The following MAP2K5 variants were observed in gnomAD, a reference collection of about 807,000 sequenced individuals.
MAP2K5 encodes dual specificity mitogen-activated protein kinase kinase 5.
In MAP2K5, 49 loss-of-function variants were observed where a neutral mutation model predicts 83.1. The observed-to-expected ratio is 0.59, with a 90% CI of 0.47 to 0.75. The LOEUF is 0.75. MAP2K5 is among the 30% of genes least tolerant of loss of function. MAP2K5 has a pLI of 0.00. For missense variants in MAP2K5, 457 were observed against 557.5 expected, an observed-to-expected ratio of 0.82 and a Z score of 1.82; for synonymous variants, 202 against 191.8, an observed-to-expected ratio of 1.05 and a Z score of -0.44.
At chr15:67,773,807 T>C (rs1403209159) in intron 21 of MAP2K5, among the ~76,000 whole-genome samples, 1 of 151,550 alleles carries the variant, frequency 6.6e-6, no homozygotes, top group African/African-American at 2.4e-5. Context: ...ACTGGTCTCT[T>C]TTTTTGGTCT....
intron 19 of MAP2K5, among the ~76,000 whole-genome samples, chr15:67,759,157 C>A (rs2089899996): frequency 6.6e-6 from 1 of 152,168 alleles, no homozygotes; most frequent in Non-Finnish European, 1.5e-5. Flanking sequence ...TCACTCACTC[C>A]TAGGCAGGGT....
chr15:67,661,156 T>C (rs1330452041), intron 12 of MAP2K5, among the ~76,000 whole-genome samples: 1 of 152,114 alleles, frequency 6.6e-6, no homozygotes, highest in African/African-American at 2.4e-5. Context: ...GAGAGTTTTT[T>C]TTTTCCCCCA....
At chr15:67,695,791 C>A (rs1030339568) in intron 15 of MAP2K5, among the ~76,000 whole-genome samples, 1 of 152,166 alleles carries the variant, frequency 6.6e-6, no homozygotes, top group Non-Finnish European at 1.5e-5. Context: ...GAATGTGATG[C>A]ATCCATCTGT....
chr15:67,600,792 A>G (rs370092993), intron 8 of MAP2K5, 43 bp downstream of exon 8: 12 of 1,425,340 alleles, frequency 8.4e-6, no homozygotes, highest in Middle Eastern at 1.8e-4. Flanking sequence ...CGCTTTTCCA[A>G]ATACTGAGTA....
chr15:67,606,006 G>T (rs1337496117), intron 8 of MAP2K5, among the ~76,000 whole-genome samples: 1 of 152,140 alleles, frequency 6.6e-6, no homozygotes, highest in Non-Finnish European at 1.5e-5. Context: ...TGACTCACTA[G>T]TTACTGTCTC....
At chr15:67,731,130 G>A (rs1266627988) in intron 17 of MAP2K5, among the ~76,000 whole-genome samples, 2 of 152,182 alleles carry the variant, frequency 1.3e-5, no homozygotes, top group Non-Finnish European at 2.9e-5. Context: ...GATGTTCTTA[G>A]CAACATGCCA....
intron 9 of MAP2K5, 80 bp downstream of exon 9, chr15:67,631,007 T>G: frequency 8.7e-7 from 1 of 1,152,038 alleles, no homozygotes; most frequent in Non-Finnish European, 1.3e-6. Context: ...ACAGATATTG[T>G]CAAAGAGGAG....
chr15:67,650,343 A>T, intron 11 of MAP2K5, among the ~76,000 whole-genome samples: 1 of 152,138 alleles, frequency 6.6e-6, no homozygotes, highest in East Asian at 1.9e-4. Context: ...CCCTGGCTAG[A>T]ACCTTCAGTA....
At chr15:67,735,207 C>T (rs769852772) in intron 17 of MAP2K5, among the ~76,000 whole-genome samples, 40 of 152,190 alleles carry the variant, frequency 2.6e-4, no homozygotes, top group Admixed American at 1.2e-3. Flanking sequence ...ATGCCAGAAA[C>T]AGGAGGTGGG....
rs2088611811 is a variant in MAP2K5, at chr15:67,708,433, T to G, written c.1044+5025T>G. ...TCCATAAACTGTCATCTCTGAGGTT[T>G]GGTGATGCCAGAAGCAGAAAGTTCA... On this transcript the variant is annotated intron_variant, in intron 16 of 21. Coordinates refer to ENST00000178640, the MANE Select transcript of MAP2K5 (RefSeq NM_145160.3). This position sits in a 1 kb window ranked among gnomAD's most constrained non-coding sequence, Gnocchi z 4.9. 6.6e-6 allele frequency among the ~76,000 whole-genome samples: 1 copy of G among 152,338 alleles called. No homozygotes were observed. The highest frequency in any genetic ancestry group is 2.1e-4 in the South Asian group (1 of 4,834).
intron 17 of MAP2K5, among the ~76,000 whole-genome samples, chr15:67,739,042 G>A (rs1437626735): frequency 6.6e-6 from 1 of 152,104 alleles, no homozygotes; most frequent in Non-Finnish European, 1.5e-5. Context: ...CACTTTGGGA[G>A]CCCAAGGCAG....
At chr15:67,752,156 T>C (rs940309949) in intron 19 of MAP2K5, among the ~76,000 whole-genome samples, 1 of 151,944 alleles carries the variant, frequency 6.6e-6, no homozygotes, top group Admixed American at 6.5e-5. Flanking sequence ...ACCTCTGCCT[T>C]CTGGGTTCAA....
Position 67,561,297 on chromosome 15 carries a change from C to T in MAP2K5, c.185-1986C>T, listed in dbSNP as rs1596559656. The stretch of plus-strand genomic sequence containing the variant: ...TCTCCTGCATTTTTAAGAAAACTTT[C>T]GCCTTAACCTTGAAAATATTAGTTT... On this transcript the variant is annotated intron_variant, in intron 2 of 21. Coordinates refer to ENST00000178640, the MANE Select transcript of MAP2K5 (RefSeq NM_145160.3). The surrounding 1 kb of genome is among the most constrained non-coding windows in gnomAD (Gnocchi z 4.2). Among the ~76,000 whole-genome samples, 1 of 152,258 alleles carries T rather than the reference C, an allele frequency of 6.6e-6. No individual in the cohort carries two copies. The highest frequency in any genetic ancestry group is 1.9e-4 in the East Asian group (1 of 5,190).
rs1388235714 is a variant in MAP2K5, at chr15:67,769,889, A to G, written c.1196+226A>G. The G allele has an allele frequency of 1.6e-5, 7 of 429,610 alleles. No homozygotes were observed. Among genetic ancestry groups the G allele is most frequent in the Non-Finnish European group, 2.9e-5 (7 of 241,666 alleles). The allele number at this position is 429,610 out of a possible 1,614,324, so 26.6% of individuals were successfully genotyped here. On this transcript the variant is annotated intron_variant, in intron 20 of 21. Transcript: ENST00000178640. The surrounding 1 kb of genome is among the most constrained non-coding windows in gnomAD (Gnocchi z 5.2). The stretch of plus-strand genomic sequence containing the variant: ...ACTTCAGAGCCTTTTTCCTGATTTA[A>G]TAAACTGCTGAAAGTCATGATACTT...
chr15:67,631,262 C>A (rs2086467173), intron 9 of MAP2K5, among the ~76,000 whole-genome samples: 1 of 152,176 alleles, frequency 6.6e-6, no homozygotes, highest in South Asian at 2.1e-4. Flanking sequence ...TTTAAATATG[C>A]CACATCCTGT....
At chr15:67,806,385 G>T (rs1297026103) in intron 21 of MAP2K5, among the ~76,000 whole-genome samples, 1 of 152,230 alleles carries the variant, frequency 6.6e-6, no homozygotes, top group Admixed American at 6.5e-5. Flanking sequence ...TTCCAGGCTA[G>T]TGCGAGCCTC....
chr15:67,658,457 T>C (rs1215381191), intron 11 of MAP2K5, 96 bp from the exon 12 acceptor site: 1 of 914,296 alleles, frequency 1.1e-6, no homozygotes, highest in Non-Finnish European at 1.8e-6. Context: ...CTGTAGGAAG[T>C]GTAAAAATGT....
intron 16 of MAP2K5, 103 bp from the exon 17 acceptor site, chr15:67,727,813 T>A: frequency 1.2e-6 from 1 of 849,150 alleles, no homozygotes; most frequent in Non-Finnish European, 2.1e-6. Flanking sequence ...TGAACTTTTT[T>A]ATATTTGCTG....
chr15:67,547,209 G>A (rs1046186822), intron 1 of MAP2K5, among the ~76,000 whole-genome samples: 25 of 151,902 alleles, frequency 1.6e-4, no homozygotes, highest in Non-Finnish European at 8.8e-5. Context: ...ACTCTTAAGT[G>A]TTTTATATTA....
Sources: gnomAD v4.1 joint callset for allele counts (sites outside exome capture counted in the v4.1 genomes callset) on GRCh38, gnomAD v4.1.1 for gene constraint, Gnocchi (gnomAD v3.1) non-coding constraint, MANE v1.5 for transcripts, NCBI Gene and HGNC (gene_info 2026-07-23, HGNC 2026-07-21) for gene names.